Variants in BFSP1 observed in about 807,000 individuals in gnomAD.
The protein encoded by BFSP1 is filensin.
A neutral mutation model predicts 43.9 loss-of-function variants in BFSP1; 38 were observed. That is an observed-to-expected ratio of 0.87 (90% CI 0.67 to 1.14). BFSP1 has a LOEUF of 1.14. BFSP1 is among the 50% of genes most tolerant of loss of function. The pLI, the probability that BFSP1 is intolerant of heterozygous loss-of-function variation, is 0.00. For synonymous variants in BFSP1, 352 were observed against 354.8 expected, an observed-to-expected ratio of 0.99 and a Z score of 0.09; for missense variants, 850 against 875.1, an observed-to-expected ratio of 0.97 and a Z score of 0.36.
chr20:17,508,676 C>T lies in BFSP1; in HGVS notation c.735+213G>A, dbSNP rs1480377743. On this transcript the variant is annotated intron_variant, in intron 5 of 7. Transcript: ENST00000377873. ...GGAATGAGCGTGGCACCTGTGTCCC[C>T]CAGCTCAGGACTCTCCCTGTGTCCT... Among the ~76,000 whole-genome samples the T allele has an allele frequency of 2.6e-5, 4 of 152,280 alleles. No individual in the cohort carries two copies. In the South Asian group the frequency reaches 6.2e-4, roughly 24 times the overall value.
intron 1 of BFSP1, among the ~76,000 whole-genome samples, chr20:17,540,315 C>A (rs2034695574): frequency 6.6e-6 from 1 of 152,140 alleles, no homozygotes; most frequent in African/African-American, 2.4e-5. Context: ...TCAGGCTTTA[C>A]TTCTCACCCA....
intron 5 of BFSP1, among the ~76,000 whole-genome samples, chr20:17,505,110 T>C (rs1363897493): frequency 6.6e-6 from 1 of 152,168 alleles, no homozygotes; most frequent in Non-Finnish European, 1.5e-5. Context: ...GTCCATGCAA[T>C]TTAGGGAACT....
chr20:17,542,159 A>G (rs912725769), intron 1 of BFSP1, among the ~76,000 whole-genome samples: 1 of 152,154 alleles, frequency 6.6e-6, no homozygotes, highest in African/African-American at 2.4e-5. Flanking sequence ...TTAGTAGATC[A>G]TGAGAGCCAA....
At chr20:17,551,271 G>A (rs1568716481) in intron 1 of BFSP1, among the ~76,000 whole-genome samples, 1 of 152,180 alleles carries the variant, frequency 6.6e-6, no homozygotes, top group Non-Finnish European at 1.5e-5. Context: ...ACTCATGGTA[G>A]AAGGCAAAGG....
Position 17,508,783 on chromosome 20 carries a change from T to C in BFSP1, c.735+106A>G, listed in dbSNP as rs1568688174. The C allele has an allele frequency of 9.3e-6, 10 of 1,071,808 alleles. 1 individual carries two copies. In the South Asian group the frequency reaches 1.5e-4, roughly 16 times the overall value. 66.4% of individuals were successfully genotyped at this position (1,071,808 alleles called of 1,614,324 possible). A position where few individuals can be genotyped will look rare whatever the true frequency, so the allele number is the denominator to read the frequency against. On this transcript the variant is annotated intron_variant, in intron 5 of 7. Transcript: ENST00000377873. ...CCGTTTCTGCCAGGAACATAGGATA[T>C]GTTCAGCGTGTGACAGCTCCTCAAG...
In BFSP1 at chr20:17,505,186, G is replaced by T. The variant is rs576964274; in HGVS notation, c.735+3703C>A. 3.7e-4 allele frequency among the ~76,000 whole-genome samples: 57 copies of T among 152,282 alleles called. 1 individual carries two copies. The South Asian group carries it at 0.011, about 30-fold the overall frequency. On this transcript the variant is annotated intron_variant, in intron 5 of 7. Coordinates refer to ENST00000377873, the MANE Select transcript of BFSP1 (RefSeq NM_001195.5). ...TCCTCCGGGGCTCTTACGGGTATAT[G>T]TGCACTTATTTGAAGGAGAGGCTTC...
chr20:17,521,575 C>T (rs899236343), intron 2 of BFSP1, among the ~76,000 whole-genome samples: 37 of 152,210 alleles, frequency 2.4e-4, no homozygotes, highest in East Asian at 9.6e-4. Flanking sequence ...ATCACTCACA[C>T]GACCAGCTGA....
upstream of BFSP1, among the ~76,000 whole-genome samples, chr20:17,534,090 A>G (rs939100246): frequency 6.6e-6 from 1 of 152,258 alleles, no homozygotes; most frequent in Non-Finnish European, 1.5e-5. Context: ...CCTAAAGACC[A>G]TATCACTGAT....
At chr20:17,539,972 C>T (rs2034690711) in intron 1 of BFSP1, among the ~76,000 whole-genome samples, 1 of 152,096 alleles carries the variant, frequency 6.6e-6, no homozygotes, top group African/African-American at 2.4e-5. Context: ...GAACTATTTT[C>T]ATATTGTGCA....
chr20:17,514,817 C>T lies in BFSP1; in HGVS notation c.439-1G>A. 1 of 1,613,396 alleles carries T rather than the reference C, an allele frequency of 6.2e-7. No individual in the cohort carries two copies. Among genetic ancestry groups the T allele is most frequent in the Non-Finnish European group, 8.5e-7 (1 of 1,179,710 alleles). On this transcript the variant is annotated splice_acceptor_variant, in intron 2 of 7. Coordinates refer to ENST00000377873, the MANE Select transcript of BFSP1 (RefSeq NM_001195.5). LOFTEE classifies it high-confidence loss of function. The stretch of plus-strand genomic sequence containing the variant: ...TATGCAGCAAGGCTTCATCAGCTTC[C>T]TGCAATGAGAGCCACATATCCCTGG...
rs1029198536 is a variant in BFSP1 at position 17,525,000 on chromosome 20, G to A, written c.378-92C>T. The A allele has an allele frequency of 1.3e-5, 15 of 1,116,508 alleles. No individual in the cohort carries two copies. In the African/African-American group the frequency reaches 1.5e-4, roughly 11 times the overall value. The allele number at this position is 1,116,508 out of a possible 1,614,324, so 69.2% of individuals were successfully genotyped here. On this transcript the variant is annotated intron_variant, in intron 1 of 7. Transcript: ENST00000377873. ...TCAGCATTAAATTCAACCTGGGTAC[G>A]ATGCCCTCTCCTTTAAGGAGAGGGT... is the stretch of plus-strand genomic sequence containing the variant.
At chr20:17,562,162 G>A (rs556888056), upstream of BFSP1, among the ~76,000 whole-genome samples, 121 of 151,714 alleles carry the variant, frequency 8.0e-4, 1 homozygote, top group African/African-American at 2.7e-3. Context: ...CCTCGTGATC[G>A]GTCCGCCTCG....
intron 1 of BFSP1, among the ~76,000 whole-genome samples, chr20:17,529,728 A>C (rs2034493637): frequency 6.6e-6 from 1 of 152,148 alleles, no homozygotes; most frequent in Non-Finnish European, 1.5e-5. Flanking sequence ...TGCAGTGAGT[A>C]TCTTTGCAGG....
chr20:17,504,361 G>GT (rs1386959312), intron 5 of BFSP1, among the ~76,000 whole-genome samples: 1 of 152,164 alleles, frequency 6.6e-6, no homozygotes. Flanking sequence ...AGGAAAACCA[G>GT]TAAGAGCTCC....
intron 1 of BFSP1, among the ~76,000 whole-genome samples, chr20:17,548,410 G>A (rs759036985): frequency 3.9e-5 from 6 of 152,080 alleles, no homozygotes; most frequent in Non-Finnish European, 7.4e-5. Context: ...TCTTAAACTG[G>A]CTTTGCTGAA....
Position 17,494,779 on chromosome 20 carries a change from C to T in BFSP1, c.1293G>A (p.Val431=). Residue 431 remains valine (V), a synonymous_variant, in exon 8 of 8, where the codon GTG becomes GTA. Transcript: ENST00000377873. ...PLTQEGAPED[V]PDGGQISKGF... is the part of the protein sequence containing the mutation. ...CTTTGCTTATCTGCCCTCCATCTGG[C>T]ACATCCTCTGGAGCCCCTTCTTGTG... 1.2e-6 allele frequency: 2 copies of T among 1,614,192 alleles called. No individual in the cohort carries two copies. The highest frequency in any genetic ancestry group is 1.7e-6 in the Non-Finnish European group (2 of 1,180,042).
At chr20:17,566,299 T>C (rs1280909037) in intron 1 of BFSP1, among the ~76,000 whole-genome samples, 1 of 152,206 alleles carries the variant, frequency 6.6e-6, no homozygotes, top group Non-Finnish European at 1.5e-5. Flanking sequence ...CTCTTCAGGC[T>C]CCTCGTTAAT....
At position 17,542,533 on chromosome 20, in the gene BFSP1, G is replaced by A. The variant is rs11907795; in HGVS notation, c.2+16155C>T. ...AGGATCACTAGAGCCCAAGAGGTCA[G>A]GGCTGCAGTAAGCTATGATCGCACC... is the stretch of plus-strand genomic sequence containing the variant. On this transcript the variant is annotated intron_variant, in intron 1 of 7. Transcript: ENST00000377868. 9.5e-3 allele frequency among the ~76,000 whole-genome samples: 1,442 copies of A among 152,150 alleles called. 22 individuals are homozygous for A. The highest frequency in any genetic ancestry group is 0.033 in the African/African-American group (1,372 of 41,490).
chr20:17,516,870 G>T, intron 2 of BFSP1: 1 of 661,928 alleles, frequency 1.5e-6, no homozygotes, highest in South Asian at 1.8e-5. Context: ...AACCCTCACA[G>T]GGAAGACCAT....
Sources: allele counts gnomAD v4.1 joint callset (sites outside exome capture counted in the v4.1 genomes callset), GRCh38; gene constraint gnomAD v4.1.1; transcripts MANE v1.5; gene names NCBI Gene and HGNC (gene_info 2026-07-23, HGNC 2026-07-21).